Variants in PTPRA observed in about 807,000 individuals in gnomAD.
PTPRA encodes receptor-type tyrosine-protein phosphatase alpha.
Under a neutral mutation model 104.8 loss-of-function variants are expected in PTPRA, and 25 were observed. The ratio of observed to expected loss-of-function variants is 0.24; its 90% CI spans 0.17 to 0.33. The LOEUF is 0.33. Among genes scored for constraint, PTPRA ranks in the 10% least tolerant of loss-of-function variants. The pLI, the probability that PTPRA is intolerant of heterozygous loss-of-function variation, is 1.00. For missense variants in PTPRA, 765 were observed against 1,015.3 expected (o/e 0.75, Z 3.35); for synonymous variants, 323 against 368.9 (o/e 0.88, Z 1.43).
chr20:3,017,541 C>T (rs532497744), intron 12 of PTPRA, among the ~76,000 whole-genome samples: 2 of 152,260 alleles, frequency 1.3e-5, no homozygotes, highest in South Asian at 4.2e-4. Context: ...ATTTCTAATT[C>T]CCAACTGTAA....
intron 6 of PTPRA, among the ~76,000 whole-genome samples, chr20:2,978,380 A>G (rs2062530626): frequency 6.6e-6 from 1 of 152,220 alleles, no homozygotes; most frequent in South Asian, 2.1e-4. Context: ...CATTTAAAAC[A>G]ACATTACAAC....
intron 20 of PTPRA, among the ~76,000 whole-genome samples, chr20:3,032,547 C>T (rs1389086690): frequency 6.6e-6 from 1 of 152,034 alleles, no homozygotes; most frequent in Non-Finnish European, 1.5e-5. Context: ...GTGGGCGGAT[C>T]ACAAAGTCAG....
rs112176106 is a variant in PTPRA, at chr20:3,022,622, G to T, written c.1329-67G>T. On this transcript the variant is annotated intron_variant, in intron 15 of 23. Transcript: ENST00000399903. The surrounding 1 kb of genome is among the most constrained non-coding windows in gnomAD (Gnocchi z 4.6). ...TGAAGGAAGAGCCCCTGCCTGTGTT[G>T]CCCCTCCCTATCTGCTCCCACAAGG... 10 of 1,602,674 alleles carry T rather than the reference G, an allele frequency of 6.2e-6. No individual in the cohort carries two copies. The African/African-American group carries it at 1.1e-4, about 17-fold the overall frequency.
chr20:2,977,825 C>G (rs116735893), intron 6 of PTPRA, among the ~76,000 whole-genome samples: 2 of 151,576 alleles, frequency 1.3e-5, no homozygotes, highest in Non-Finnish European at 2.9e-5. Context: ...ATATGCTTCC[C>G]TATCTCAGGA....
chr20:2,866,454 G>A, the PTPRA span: 2 of 1,614,162 alleles, frequency 1.2e-6, no homozygotes, highest in Non-Finnish European at 1.7e-6. Context: ...CTGCAGATGT[G>A]GCCATCGAAC....
In PTPRA at chr20:3,022,120, G is replaced by T; in HGVS notation, c.1228G>T (p.Asp410Tyr). ...TCAGTTCCACTTTACCAGCTGGCCA[G>T]ACTTTGGGGTGCCTTTTACCCCGAT... Reference protein sequence around the residue: ...ITQFHFTSWPDFGVPFTPIGM... With the variant: ...ITQFHFTSWPYFGVPFTPIGM... The change falls in exon 15 of 24, where the codon GAC becomes TAC. Residue 410 changes from aspartate (D) to tyrosine (Y), a missense_variant. Physicochemically the swap from Asp to Tyr is radical, Grantham distance 160 (BLOSUM62 -3). This residue lies in a region of PTPRA where 245 missense variants were observed against 398.7 expected (regional missense o/e 0.61). Coordinates refer to ENST00000399903, the MANE Select transcript of PTPRA (RefSeq NM_001385305.1). This position sits in a 1 kb window ranked among gnomAD's most constrained non-coding sequence, Gnocchi z 4.6. 6.2e-7 allele frequency: 1 copy of T among 1,614,234 alleles called. No individual in the cohort carries two copies. The highest frequency in any genetic ancestry group is 1.1e-5 in the South Asian group (1 of 91,082).
At chr20:2,932,706 GAT>G (rs2060552465) in intron 2 of PTPRA, among the ~76,000 whole-genome samples, 1 of 152,184 alleles carries the variant, frequency 6.6e-6, no homozygotes, top group South Asian at 2.1e-4. Context: ...ACAAAGGAAG[GAT>G]ATGTTTTCTG....
At chr20:2,884,174 G>A (rs889104944) in intron 1 of PTPRA, among the ~76,000 whole-genome samples, 6 of 151,836 alleles carry the variant, frequency 4.0e-5, no homozygotes, top group African/African-American at 1.5e-4. Context: ...CTACTTTTTG[G>A]CTTTATGAAT....
chr20:2,964,774 G>A, intron 4 of PTPRA, 87 bp from the exon 5 acceptor site: 1 of 1,212,814 alleles, frequency 8.2e-7, no homozygotes, highest in Non-Finnish European at 1.2e-6. Flanking sequence ...ATGTTTGAGA[G>A]TTTATTAAGG....
At chr20:2,951,778 C>T (rs1401654477) in intron 3 of PTPRA, among the ~76,000 whole-genome samples, 3 of 152,184 alleles carry the variant, frequency 2.0e-5, no homozygotes, top group Non-Finnish European at 4.4e-5. Flanking sequence ...TTCGGAACTG[C>T]GAGTAACTGT....
intron 1 of PTPRA, among the ~76,000 whole-genome samples, chr20:2,875,158 G>C (rs1425698705): frequency 6.6e-6 from 1 of 152,098 alleles, no homozygotes; most frequent in Non-Finnish European, 1.5e-5. Flanking sequence ...CTTCCCAAGA[G>C]ATTTTTTCGT....
intron 2 of PTPRA, 49 bp from the exon 3 acceptor site, chr20:2,947,933 C>A: frequency 1.2e-6 from 1 of 846,692 alleles, no homozygotes; most frequent in Non-Finnish European, 1.7e-6. Context: ...GAATGCTTCA[C>A]ATAACCTAGA....
At chr20:2,916,113 C>T (rs1351072077) in intron 1 of PTPRA, among the ~76,000 whole-genome samples, 2 of 152,122 alleles carry the variant, frequency 1.3e-5, no homozygotes, top group Admixed American at 6.6e-5. Flanking sequence ...AGTCTTGGCT[C>T]ACTGCAGCCT....
chr20:2,902,785 G>T (rs1047701368), intron 1 of PTPRA, among the ~76,000 whole-genome samples: 3 of 152,012 alleles, frequency 2.0e-5, no homozygotes, highest in African/African-American at 7.2e-5. Context: ...TTGTTTTTAA[G>T]CGTTCAAAAT....
intron 13 of PTPRA, among the ~76,000 whole-genome samples, chr20:3,018,553 A>G (rs565797719): frequency 1.3e-5 from 2 of 152,016 alleles, no homozygotes; most frequent in Non-Finnish European, 2.9e-5. Flanking sequence ...AAGGTCACAG[A>G]TCTACAGGAT....
intron 1 of PTPRA, among the ~76,000 whole-genome samples, chr20:2,904,617 G>A (rs141740936): frequency 1.5e-5 from 2 of 137,738 alleles, no homozygotes; most frequent in East Asian, 2.2e-4. Context: ...GCAGTGAGCC[G>A]AGATCACACC....
At chr20:2,875,124 G>A (rs2089631865) in intron 1 of PTPRA, among the ~76,000 whole-genome samples, 1 of 152,004 alleles carries the variant, frequency 6.6e-6, no homozygotes, top group Non-Finnish European at 1.5e-5. Context: ...TTATGCCTAG[G>A]CTCTGTTTAT....
chr20:2,901,947 G>T (rs1179724253), intron 1 of PTPRA, among the ~76,000 whole-genome samples: 2 of 151,504 alleles, frequency 1.3e-5, no homozygotes, highest in Non-Finnish European at 2.9e-5. Flanking sequence ...GTGCAGTGGC[G>T]CAGTCTTAGC....
At chr20:2,981,807 T>C (rs879776659) in intron 6 of PTPRA, among the ~76,000 whole-genome samples, 7 of 152,116 alleles carry the variant, frequency 4.6e-5, no homozygotes, top group Non-Finnish European at 5.9e-5. Context: ...TTGAGGTGTT[T>C]CCAGGCCCAA....
Sources: gnomAD v4.1 joint callset for allele counts (sites outside exome capture counted in the v4.1 genomes callset) on GRCh38, gnomAD v4.1.1 for gene constraint, gnomAD v4.1.1 regional missense constraint, Gnocchi (gnomAD v3.1) non-coding constraint, MANE v1.5 for transcripts, NCBI Gene and HGNC (gene_info 2026-07-23, HGNC 2026-07-21) for gene names.